Variants in UGT1A10 observed in about 807,000 individuals in gnomAD.
UGT1A10 encodes the protein UDP glucuronosyltransferase family 1 member A10.
In UGT1A10, 49 loss-of-function variants were observed where a neutral mutation model predicts 45.8. That is an observed-to-expected ratio of 1.07 (90% CI 0.85 to 1.36). The LOEUF (loss-of-function observed/expected upper bound fraction) is 1.36, where lower values mean the gene tolerates loss of function less well. UGT1A10 is among the 40% of genes most tolerant of loss of function. UGT1A10 has a pLI of 0.00. For missense variants in UGT1A10, 745 were observed against 668.6 expected, an observed-to-expected ratio of 1.11 and a Z score of -1.26; for synonymous variants, 284 against 249.7, an observed-to-expected ratio of 1.14 and a Z score of -1.29.
At chr2:233,726,040 C>A (rs906060755) in intron 1 of UGT1A10, among the ~76,000 whole-genome samples, 3 of 152,112 alleles carry the variant, frequency 2.0e-5, no homozygotes, top group Non-Finnish European at 4.4e-5. Flanking sequence ...ATGGCGCACA[C>A]CTGTGGTCCC....
intron 1 of UGT1A10, among the ~76,000 whole-genome samples, chr2:233,756,923 C>T (rs1696357970): frequency 1.3e-5 from 2 of 151,968 alleles, no homozygotes; most frequent in South Asian, 4.2e-4. Context: ...GTTTATATAA[C>T]CTCTAGTTAC....
chr2:233,698,180 T>C (rs973918936), intron 1 of UGT1A10, among the ~76,000 whole-genome samples: 1 of 152,196 alleles, frequency 6.6e-6, no homozygotes, highest in Non-Finnish European at 1.5e-5. Context: ...TTCTGTATTA[T>C]GATATGTAAT....
intron 1 of UGT1A10, among the ~76,000 whole-genome samples, chr2:233,696,494 A>G (rs1286890486): frequency 2.0e-5 from 3 of 152,178 alleles, no homozygotes; most frequent in Admixed American, 6.5e-5. Context: ...ACTTTACCGA[A>G]TTTGCTTGTC....
At chr2:233,691,780 A>G (rs1456285892) in intron 1 of UGT1A10, 7 of 283,208 alleles carry the variant, frequency 2.5e-5, no homozygotes, top group Non-Finnish European at 3.7e-5. Context: ...CTCACCACGT[A>G]CTGGCTAGAC....
In UGT1A10 at chr2:233,719,204, T is replaced by C. The variant is rs147848546; in HGVS notation, c.856-47830T>C. 63 of 1,614,240 alleles carry C rather than the reference T, an allele frequency of 3.9e-5. No homozygotes were observed. The African/African-American group carries it at 7.3e-4, about 19-fold the overall frequency. ...TATCTTTGGCCCTTCATAGGTGTTG[T>C]GTGGAGCTACTGCATAATGAGGCCC... is the stretch of plus-strand genomic sequence containing the variant. On this transcript the variant is annotated intron_variant, in intron 1 of 4. Transcript: ENST00000344644.
At chr2:233,708,257 A>G (rs2076010533) in intron 1 of UGT1A10, among the ~76,000 whole-genome samples, 1 of 152,194 alleles carries the variant, frequency 6.6e-6, no homozygotes, top group Admixed American at 6.5e-5. Flanking sequence ...ACTTTCCTTC[A>G]TATCCTTGCC....
At chr2:233,729,759 C>A in intron 1 of UGT1A10, 1 of 1,613,980 alleles carries the variant, frequency 6.2e-7, no homozygotes, top group Non-Finnish European at 8.5e-7. Context: ...TGCAAAGGGT[C>A]AAGAACATGC....
At chr2:233,744,534 G>A (rs1692839516) in intron 1 of UGT1A10, among the ~76,000 whole-genome samples, 1 of 151,902 alleles carries the variant, frequency 6.6e-6, no homozygotes. Context: ...TTATTTTTAT[G>A]TAAATTTTAT....
At chr2:233,729,848 G>A (rs2077933569) in intron 1 of UGT1A10, 3 of 1,613,874 alleles carry the variant, frequency 1.9e-6, no homozygotes, top group Non-Finnish European at 2.5e-6. Context: ...CTTTTTCAGA[G>A]AGAGGTGTCA....
At chr2:233,692,578 G>C (rs12476197) in intron 1 of UGT1A10, among the ~76,000 whole-genome samples, 27,719 of 152,194 alleles carry the variant, frequency 0.18, 2,750 homozygotes, top group Non-Finnish European at 0.23. Context: ...GCTGGTGTTA[G>C]AGAATAGGTC....
intron 1 of UGT1A10, chr2:233,756,116 T>G (rs939719556): frequency 6.6e-6 from 1 of 152,230 alleles, no homozygotes; most frequent in Non-Finnish European, 1.5e-5. Flanking sequence ...AGTTTTGACT[T>G]TGTAAAATTC....
chr2:233,682,770 A>G, intron 1 of UGT1A10: 2 of 1,613,604 alleles, frequency 1.2e-6, no homozygotes, highest in Non-Finnish European at 8.5e-7. Context: ...ATCAACTGTC[A>G]TCAGGGAAAG....
At chr2:233,729,605 TGCTG>T (rs755451015) in intron 1 of UGT1A10, 6 of 1,614,008 alleles carry the variant, frequency 3.7e-6, no homozygotes, top group South Asian at 1.1e-5. Context: ...TGCGCGGCAG[TGCTG>T]GCTAAGTACC....
chr2:233,702,607 C>T (rs1338677633), intron 1 of UGT1A10, among the ~76,000 whole-genome samples: 1 of 151,988 alleles, frequency 6.6e-6, no homozygotes, highest in Non-Finnish European at 1.5e-5. Context: ...TGAGTAGATG[C>T]CCCCCACATT....
Position 233,636,517 on chromosome 2 carries a change from T to C in UGT1A10, c.-6T>C, listed in dbSNP as rs765930659. 1 of 1,609,130 alleles carries C rather than the reference T, an allele frequency of 6.2e-7. No homozygotes were observed. The highest frequency in any genetic ancestry group is 8.5e-7 in the Non-Finnish European group (1 of 1,176,658). ...CCCAGCTGCTGGCTCGGGCTGCAGT[T>C]CTCTCATGGCTCGCGCAGGGTGGAC... On this transcript the variant is annotated 5_prime_UTR_variant, in exon 1 of 5. Transcript: ENST00000344644.
At chr2:233,758,626 C>T (rs1184924928) in intron 1 of UGT1A10, among the ~76,000 whole-genome samples, 3 of 152,058 alleles carry the variant, frequency 2.0e-5, no homozygotes, top group Admixed American at 6.5e-5. Flanking sequence ...ATGCAAAGTA[C>T]CTACTCTAAG....
chr2:233,742,567 C>T (rs1045281711), intron 1 of UGT1A10, among the ~76,000 whole-genome samples: 3 of 151,796 alleles, frequency 2.0e-5, no homozygotes, highest in East Asian at 1.9e-4. Flanking sequence ...AGCTTCTGGC[C>T]GGAATTGGGG....
At position 233,672,424 on chromosome 2, in the gene UGT1A10, C is replaced by T. The variant is rs771467947; in HGVS notation, c.855+35047C>T. Reference sequence around the variant, plus strand: ...AATTGTTGCCAAATATTTCTCCCTCCCCTCCGTGGTCTTCGCCAGGGGAAT... The same window carrying T: ...AATTGTTGCCAAATATTTCTCCCTCTCCTCCGTGGTCTTCGCCAGGGGAAT... On this transcript the variant is annotated intron_variant, in intron 1 of 4. Coordinates refer to ENST00000344644, the MANE Select transcript of UGT1A10 (RefSeq NM_019075.4). 6 of 1,613,898 alleles carry T rather than the reference C, an allele frequency of 3.7e-6. No individual in the cohort carries two copies. The South Asian group carries it at 5.5e-5, about 15-fold the overall frequency.
chr2:233,639,143 T>G (rs889380102), intron 1 of UGT1A10, among the ~76,000 whole-genome samples: 6 of 152,204 alleles, frequency 3.9e-5, no homozygotes, highest in African/African-American at 9.7e-5. Context: ...TAGAGGGATA[T>G]CTATAAAAAA....
Sources: allele counts gnomAD v4.1 joint callset (sites outside exome capture counted in the v4.1 genomes callset), GRCh38; gene constraint gnomAD v4.1.1; transcripts MANE v1.5; gene names NCBI Gene and HGNC (gene_info 2026-07-23, HGNC 2026-07-21).